DCAF6: variants seen among roughly 807,000 people sequenced by gnomAD.
The protein encoded by DCAF6 is DDB1- and CUL4-associated factor 6.
A neutral mutation model predicts 125.1 loss-of-function variants in DCAF6; 54 were observed. The ratio of observed to expected loss-of-function variants is 0.43; its 90% CI spans 0.35 to 0.54. The LOEUF is 0.54. DCAF6 is among the 20% of genes least tolerant of loss of function. DCAF6 has a pLI of 0.01. For missense variants in DCAF6, 934 were observed against 1,161.7 expected, an observed-to-expected ratio of 0.80 and a Z score of 2.85; for synonymous variants, 371 against 390.4, an observed-to-expected ratio of 0.95 and a Z score of 0.58.
the DCAF6 span, among the ~76,000 whole-genome samples, chr1:167,889,560 T>G: frequency 6.6e-6 from 1 of 152,082 alleles, no homozygotes; most frequent in African/African-American, 2.4e-5. Flanking sequence ...TTTTGTCTGG[T>G]TTTGGTATCA....
chr1:168,013,996 C>A (rs1274883985), intron 10 of DCAF6, among the ~76,000 whole-genome samples: 4 of 152,142 alleles, frequency 2.6e-5, no homozygotes, highest in Non-Finnish European at 4.4e-5. Flanking sequence ...GCCTTGGTCT[C>A]CCAAAGTGCT....
intron 4 of DCAF6, among the ~76,000 whole-genome samples, chr1:167,977,858 A>G (rs776281166): frequency 6.6e-5 from 10 of 152,224 alleles, no homozygotes; most frequent in Non-Finnish European, 1.2e-4. Flanking sequence ...AAGCAAATCT[A>G]TTCATGTAAC....
chr1:167,899,941 G>A, the DCAF6 span, among the ~76,000 whole-genome samples: 1 of 152,162 alleles, frequency 6.6e-6, no homozygotes, highest in Non-Finnish European at 1.5e-5. Flanking sequence ...GGGCAACAGG[G>A]AATACCTTTA....
chr1:167,870,968 A>C, the DCAF6 span, among the ~76,000 whole-genome samples: 2 of 152,188 alleles, frequency 1.3e-5, no homozygotes, highest in African/African-American at 2.4e-5. Context: ...AAGTATTCTT[A>C]TAATCCTCAT....
At chr1:167,880,798 G>A in the DCAF6 span, among the ~76,000 whole-genome samples, 2 of 152,222 alleles carry the variant, frequency 1.3e-5, no homozygotes, top group Admixed American at 6.5e-5. Context: ...AGGAGGGCTT[G>A]AGCCTTGAGA....
chr1:167,903,063 T>A, the DCAF6 span, among the ~76,000 whole-genome samples: 1 of 152,180 alleles, frequency 6.6e-6, no homozygotes, highest in South Asian at 2.1e-4. Flanking sequence ...GAGACCAGCC[T>A]GGCCAACATG....
intron 8 of DCAF6, among the ~76,000 whole-genome samples, chr1:168,003,038 G>A (rs929181776): frequency 6.6e-6 from 1 of 151,988 alleles, no homozygotes; most frequent in African/African-American, 2.4e-5. Context: ...ATTAATCTAT[G>A]AATTATAATT....
chr1:167,937,050 T>C (rs1671361044), intron 1 of DCAF6, 42 bp downstream of exon 1: 2 of 1,523,844 alleles, frequency 1.3e-6, no homozygotes, highest in African/African-American at 1.4e-5. Flanking sequence ...GGTCGCCGCC[T>C]AGAGTGGGGG....
intron 12 of DCAF6, among the ~76,000 whole-genome samples, chr1:168,037,359 G>A (rs1687972251): frequency 6.6e-6 from 1 of 152,056 alleles, no homozygotes; most frequent in Admixed American, 6.6e-5. Context: ...TTTATTTTTA[G>A]TATTAAATCA....
chr1:167,993,259 T>C lies in DCAF6; in HGVS notation c.722T>C (p.Val241Ala). The change falls in exon 7 of 22, where the codon GTT becomes GCT. Residue 241 changes from valine to alanine, a missense_variant. By Grantham distance (64) the Val-to-Ala change is moderately conservative. Coordinates refer to ENST00000367840, the MANE Select transcript of DCAF6 (RefSeq NM_001198956.2). Reference sequence around the variant, plus strand: ...GCAGGTCGAGGGACTACTGGAATGGTTGCCCGTTTTATTCCTTCCCATCTT... The same window carrying C: ...GCAGGTCGAGGGACTACTGGAATGGCTGCCCGTTTTATTCCTTCCCATCTT... ...NYAGRGTTGM[V>A]ARFIPSHLNN... 6.2e-7 allele frequency: 1 copy of C among 1,614,144 alleles called. No individual in the cohort carries two copies. The highest frequency in any genetic ancestry group is 8.5e-7 in the Non-Finnish European group (1 of 1,179,978).
intron 7 of DCAF6, among the ~76,000 whole-genome samples, chr1:167,999,678 C>T (rs1218510141): frequency 6.6e-6 from 1 of 152,158 alleles, no homozygotes; most frequent in East Asian, 1.9e-4. Context: ...CTGTTAGCTT[C>T]AGACTTTTAT....
At chr1:168,047,012 C>G (rs201533) in intron 16 of DCAF6, among the ~76,000 whole-genome samples, 102 of 152,194 alleles carry the variant, frequency 6.7e-4, no homozygotes, top group African/African-American at 2.3e-3. Context: ...AATTATAACA[C>G]TTAATACCAA....
upstream of DCAF6, chr1:167,935,686 G>A (rs1207070948): frequency 1.3e-6 from 2 of 1,490,796 alleles, no homozygotes; most frequent in South Asian, 1.2e-5. Flanking sequence ...CATTTTAGAG[G>A]AAGCGAGAAG....
chr1:168,024,502 G>C (rs577498650), intron 12 of DCAF6, among the ~76,000 whole-genome samples: 1 of 152,086 alleles, frequency 6.6e-6, no homozygotes, highest in East Asian at 1.9e-4. Flanking sequence ...TTGTACTTCT[G>C]ATCTTAAATT....
At chr1:167,988,884 G>C (rs1408292475) in intron 5 of DCAF6, among the ~76,000 whole-genome samples, 1 of 152,098 alleles carries the variant, frequency 6.6e-6, no homozygotes, top group Non-Finnish European at 1.5e-5. Context: ...TTGGAGACCA[G>C]CCTGGTCAAC....
chr1:167,918,238 G>T, the DCAF6 span: 1 of 1,111,396 alleles, frequency 9.0e-7, no homozygotes, highest in Non-Finnish European at 1.3e-6. Context: ...CACACAGTTA[G>T]CTTTGCTTTA....
chr1:168,057,195 G>C (rs1372803670), intron 17 of DCAF6, among the ~76,000 whole-genome samples: 1 of 152,134 alleles, frequency 6.6e-6, no homozygotes, highest in African/African-American at 2.4e-5. Context: ...GGTGTTTTAT[G>C]AAAGGGTTTA....
chr1:167,867,074 C>T, the DCAF6 span, among the ~76,000 whole-genome samples: 1 of 152,232 alleles, frequency 6.6e-6, no homozygotes, highest in African/African-American at 2.4e-5. Context: ...AAAATCCCCA[C>T]ATAACCATTG....
chr1:167,868,025 G>A, the DCAF6 span, among the ~76,000 whole-genome samples: 2 of 152,104 alleles, frequency 1.3e-5, no homozygotes, highest in Admixed American at 1.3e-4. Flanking sequence ...CGTATCTCTG[G>A]GCGTCGATAA....
Sources: gnomAD v4.1 joint callset for allele counts (sites outside exome capture counted in the v4.1 genomes callset) on GRCh38, gnomAD v4.1.1 for gene constraint, MANE v1.5 for transcripts, NCBI Gene and HGNC (gene_info 2026-07-23, HGNC 2026-07-21) for gene names.